TASP1: variants seen among roughly 807,000 people sequenced by gnomAD.
TASP1 encodes the protein taspase 1.
TASP1 carries 16 observed loss-of-function variants against 56.6 expected under a neutral mutation model. The ratio of observed to expected loss-of-function variants is 0.28; its 90% confidence interval spans 0.19 to 0.43. The LOEUF is 0.43. Ranked by LOEUF, TASP1 falls within the 20% of genes least tolerant of loss-of-function variation. TASP1 has a pLI of 1.00. For synonymous variants in TASP1, 179 were observed against 184.2 expected (o/e 0.97, Z 0.23); for missense variants, 393 against 511.6 (o/e 0.77, Z 2.24).
the TASP1 span, among the ~76,000 whole-genome samples, chr20:13,311,219 T>TAGATAGATAGATAGATAGAC: frequency 5.6e-5 from 6 of 107,124 alleles, no homozygotes; most frequent in Non-Finnish European, 1.2e-4. Flanking sequence ...AGATAGATGA[T>TAGATAGATAGATAGATAGAC]AGATAGATAG....
chr20:13,568,443 ATT>A (rs2046609103), intron 7 of TASP1, among the ~76,000 whole-genome samples: 1 of 152,120 alleles, frequency 6.6e-6, no homozygotes, highest in East Asian at 1.9e-4. Flanking sequence ...TGTTTTTAAT[ATT>A]TCTTTCTCAT....
At chr20:13,233,036 A>AAG in the TASP1 span, among the ~76,000 whole-genome samples, 1 of 151,752 alleles carries the variant, frequency 6.6e-6, no homozygotes, top group Non-Finnish European at 1.5e-5. Context: ...AAAAAAAAAA[A>AAG]GAAAACAGGC....
chr20:13,606,717 G>C (rs2048171161), intron 4 of TASP1, among the ~76,000 whole-genome samples: 1 of 149,804 alleles, frequency 6.7e-6, no homozygotes, highest in African/African-American at 2.5e-5. Flanking sequence ...TAAGGCAGTA[G>C]AATGGCGTGA....
At chr20:13,175,707 G>C in the TASP1 span, among the ~76,000 whole-genome samples, 1 of 152,216 alleles carries the variant, frequency 6.6e-6, no homozygotes, top group Non-Finnish European at 1.5e-5. Context: ...CATGTTCTGT[G>C]CTGGTAATAT....
chr20:13,438,782 C>T (rs2043107974), intron 11 of TASP1, among the ~76,000 whole-genome samples: 1 of 152,138 alleles, frequency 6.6e-6, no homozygotes, highest in Non-Finnish European at 1.5e-5. Flanking sequence ...TATCCAGAAT[C>T]TACAATGAAC....
chr20:13,466,806 T>C (rs1213750714), intron 11 of TASP1, among the ~76,000 whole-genome samples: 3 of 152,084 alleles, frequency 2.0e-5, no homozygotes, highest in Admixed American at 6.5e-5. Flanking sequence ...AATCAGGACA[T>C]CATACTACTA....
At chr20:13,594,375 T>G (rs1315707938) in intron 4 of TASP1, among the ~76,000 whole-genome samples, 1 of 152,160 alleles carries the variant, frequency 6.6e-6, no homozygotes, top group East Asian at 1.9e-4. Context: ...GGAGAATGAC[T>G]TTGAGGAGAT....
At chr20:13,424,358 A>G (rs552740033) in intron 12 of TASP1, among the ~76,000 whole-genome samples, 27 of 152,312 alleles carry the variant, frequency 1.8e-4, no homozygotes, top group African/African-American at 6.5e-4. Flanking sequence ...TGATATCTGG[A>G]AGTCTATAAT....
At chr20:13,225,748 T>G in the TASP1 span, among the ~76,000 whole-genome samples, 2 of 152,242 alleles carry the variant, frequency 1.3e-5, no homozygotes, top group Non-Finnish European at 2.9e-5. Context: ...TTAAAATGCA[T>G]GGAAACATCA....
the TASP1 span, among the ~76,000 whole-genome samples, chr20:13,152,494 G>T: frequency 6.6e-6 from 1 of 152,154 alleles, no homozygotes; most frequent in East Asian, 1.9e-4. Context: ...TGATCCATCA[G>T]GACTCTCAGT....
At chr20:13,375,014 C>T in the TASP1 span, among the ~76,000 whole-genome samples, 2 of 152,156 alleles carry the variant, frequency 1.3e-5, no homozygotes, top group African/African-American at 2.4e-5. Context: ...TTGGAAAATG[C>T]CCTCTGATAT....
intron 10 of TASP1, among the ~76,000 whole-genome samples, chr20:13,511,710 C>T (rs972484740): frequency 4.6e-5 from 7 of 151,316 alleles, no homozygotes; most frequent in Admixed American, 2.0e-4. Flanking sequence ...CACCCATTAA[C>T]TTGTCATTTA....
At chr20:13,528,347 T>C in intron 10 of TASP1, 86 bp downstream of exon 10, 1 of 1,190,226 alleles carries the variant, frequency 8.4e-7, no homozygotes, top group Non-Finnish European at 1.2e-6. Flanking sequence ...GCACATGTTC[T>C]ATGTTTACCC....
the TASP1 span, chr20:13,292,468 GA>G: frequency 1.2e-5 from 19 of 1,573,386 alleles, no homozygotes; most frequent in Non-Finnish European, 1.6e-5. Context: ...AAGTTGGTAA[GA>G]TTTTTTTCTT....
At chr20:13,583,452 G>C (rs1422758789) in intron 5 of TASP1, among the ~76,000 whole-genome samples, 1 of 152,146 alleles carries the variant, frequency 6.6e-6, no homozygotes, top group Non-Finnish European at 1.5e-5. Context: ...ATACATTTTT[G>C]AGTTCTCGTC....
chr20:13,467,511 T>C (rs2044309312), intron 11 of TASP1, among the ~76,000 whole-genome samples: 1 of 152,140 alleles, frequency 6.6e-6, no homozygotes, highest in Admixed American at 6.6e-5. Flanking sequence ...TTTTTACCTA[T>C]AGCACTAGTT....
intron 5 of TASP1, among the ~76,000 whole-genome samples, chr20:13,583,809 C>T (rs570041448): frequency 1.3e-5 from 2 of 152,160 alleles, no homozygotes; most frequent in African/African-American, 2.4e-5. Flanking sequence ...GGGCTGGATG[C>T]GGTGGCTCAC....
chr20:13,309,089 A>G, the TASP1 span, among the ~76,000 whole-genome samples: 1 of 152,172 alleles, frequency 6.6e-6, no homozygotes, highest in Non-Finnish European at 1.5e-5. Flanking sequence ...ACAGTATATG[A>G]AAGTAGTATA....
chr20:13,337,816 C>T, the TASP1 span, among the ~76,000 whole-genome samples: 1 of 152,148 alleles, frequency 6.6e-6, no homozygotes, highest in Non-Finnish European at 1.5e-5. Context: ...TTGAGTGTGG[C>T]TCTGACAGCT....
Sources: allele counts gnomAD v4.1 joint callset (sites outside exome capture counted in the v4.1 genomes callset), GRCh38; gene constraint gnomAD v4.1.1; transcripts MANE v1.5; gene names NCBI Gene and HGNC (gene_info 2026-07-23, HGNC 2026-07-21).